Variants in SCHIP1 observed in about 807,000 individuals in gnomAD.
SCHIP1 encodes schwannomin-interacting protein 1.
A neutral mutation model predicts 29.7 loss-of-function variants in SCHIP1; 8 were observed. The ratio of observed to expected loss-of-function variants is 0.27; its 90% confidence interval spans 0.16 to 0.49. The LOEUF (loss-of-function observed/expected upper bound fraction) is 0.49, where lower values mean the gene tolerates loss of function less well. SCHIP1 is among the 20% of genes least tolerant of loss of function. The pLI is 0.99. For missense variants in SCHIP1, 193 were observed against 294.6 expected (o/e 0.66, Z 2.52); for synonymous variants, 76 against 94.9 (o/e 0.80, Z 1.16).
At chr3:159,507,063 G>A in the SCHIP1 span, among the ~76,000 whole-genome samples, 9 of 152,138 alleles carry the variant, frequency 5.9e-5, no homozygotes, top group African/African-American at 2.2e-4. Flanking sequence ...TGGGCAGTGT[G>A]GCCATTTTCA....
the SCHIP1 span, among the ~76,000 whole-genome samples, chr3:159,504,441 T>C: frequency 2.6e-5 from 4 of 152,306 alleles, no homozygotes; most frequent in South Asian, 6.2e-4. Context: ...TATTTACATT[T>C]AAAATGACTT....
the SCHIP1 span, among the ~76,000 whole-genome samples, chr3:159,289,565 A>T: frequency 6.6e-6 from 1 of 152,130 alleles, no homozygotes; most frequent in Non-Finnish European, 1.5e-5. Flanking sequence ...AACTACCATT[A>T]TTCTCTCAAA....
chr3:159,859,012 T>C (rs558434368), intron 1 of SCHIP1, among the ~76,000 whole-genome samples: 17 of 152,308 alleles, frequency 1.1e-4, no homozygotes, highest in African/African-American at 4.1e-4. Context: ...AAATACAAAA[T>C]GAAAAGAAAG....
chr3:159,302,076 A>G, the SCHIP1 span, among the ~76,000 whole-genome samples: 1 of 152,228 alleles, frequency 6.6e-6, no homozygotes, highest in Non-Finnish European at 1.5e-5. Context: ...AAAGAAAAAG[A>G]TCACTTGCAA....
the SCHIP1 span, among the ~76,000 whole-genome samples, chr3:159,670,714 A>G: frequency 6.6e-6 from 1 of 151,364 alleles, no homozygotes; most frequent in Non-Finnish European, 1.5e-5. Flanking sequence ...TTAAAAAGAT[A>G]CTTCATTGCT....
chr3:159,345,240 AAAG>A, the SCHIP1 span, among the ~76,000 whole-genome samples: 1 of 151,796 alleles, frequency 6.6e-6, no homozygotes, highest in African/African-American at 2.4e-5. Context: ...AAAAAAAAAA[AAAG>A]AAAAATGCTA....
chr3:159,567,952 G>A, the SCHIP1 span, among the ~76,000 whole-genome samples: 7 of 151,966 alleles, frequency 4.6e-5, no homozygotes, highest in African/African-American at 1.7e-4. Flanking sequence ...CTTTTCATTT[G>A]TTTAGGTTTT....
chr3:159,387,414 G>T, the SCHIP1 span: 1 of 333,702 alleles, frequency 3.0e-6, no homozygotes. Context: ...CTTGGTGACT[G>T]GGAGCCACTC....
chr3:159,588,645 GGT>G, the SCHIP1 span, among the ~76,000 whole-genome samples: 1 of 152,176 alleles, frequency 6.6e-6, no homozygotes, highest in Non-Finnish European at 1.5e-5. Context: ...TTTTGTATAA[GGT>G]GTAAGGAAGA....
chr3:159,822,127 G>A, the SCHIP1 span, among the ~76,000 whole-genome samples: 1 of 152,244 alleles, frequency 6.6e-6, no homozygotes, highest in African/African-American at 2.4e-5. Flanking sequence ...GATAAGGGGA[G>A]ACACTGTATA....
chr3:159,369,325 T>C, the SCHIP1 span, among the ~76,000 whole-genome samples: 1 of 152,172 alleles, frequency 6.6e-6, no homozygotes, highest in Non-Finnish European at 1.5e-5. Flanking sequence ...ATAAATGTAC[T>C]GTTGAGGAAT....
At chr3:159,339,346 TAAAG>T in the SCHIP1 span, among the ~76,000 whole-genome samples, 2 of 151,860 alleles carry the variant, frequency 1.3e-5, no homozygotes, top group South Asian at 2.1e-4. Context: ...TTTTGGTAAA[TAAAG>T]AAACTCCTTG....
intron 1 of SCHIP1, among the ~76,000 whole-genome samples, chr3:159,848,931 T>C (rs1256739092): frequency 6.6e-6 from 1 of 152,142 alleles, no homozygotes; most frequent in African/African-American, 2.4e-5. Context: ...CGTGCTGAGC[T>C]TCTTTAGGGA....
At chr3:159,283,851 G>A in the SCHIP1 span, among the ~76,000 whole-genome samples, 1 of 152,096 alleles carries the variant, frequency 6.6e-6, no homozygotes, top group Non-Finnish European at 1.5e-5. Context: ...AGCAAAATAG[G>A]TTGTCTTATT....
chr3:159,399,553 C>T, the SCHIP1 span, among the ~76,000 whole-genome samples: 1 of 152,230 alleles, frequency 6.6e-6, no homozygotes, highest in African/African-American at 2.4e-5. Context: ...TACTGAAGCA[C>T]CAGAATCTCC....
intron 1 of SCHIP1, chr3:159,853,350 T>A (rs1156423943): frequency 2.9e-6 from 2 of 684,538 alleles, no homozygotes; most frequent in Non-Finnish European, 5.3e-6. Flanking sequence ...GGGAGGTTAT[T>A]TCTTAAGTGA....
the SCHIP1 span, among the ~76,000 whole-genome samples, chr3:159,328,204 T>C: frequency 6.6e-6 from 1 of 152,208 alleles, no homozygotes; most frequent in Non-Finnish European, 1.5e-5. Context: ...CAAAACATAG[T>C]GTGTAATGAC....
chr3:159,820,611 A>G, the SCHIP1 span, among the ~76,000 whole-genome samples: 2 of 152,220 alleles, frequency 1.3e-5, no homozygotes, highest in Admixed American at 1.3e-4. Context: ...AAGAAAAGTA[A>G]GAAAAGAAGA....
the SCHIP1 span, among the ~76,000 whole-genome samples, chr3:159,594,472 C>A: frequency 7.2e-5 from 11 of 152,098 alleles, no homozygotes; most frequent in Non-Finnish European, 2.9e-5. Flanking sequence ...TAACATATGA[C>A]ACTTGAAATT....
Sources: gnomAD v4.1 joint callset for allele counts (sites outside exome capture counted in the v4.1 genomes callset) on GRCh38, gnomAD v4.1.1 for gene constraint, MANE v1.5 for transcripts, NCBI Gene and HGNC (gene_info 2026-07-23, HGNC 2026-07-21) for gene names.